The following TMEM135 variants were observed in gnomAD, a reference collection of about 807,000 sequenced individuals.
The protein encoded by TMEM135 is transmembrane protein 135.
Under a neutral mutation model 60.3 loss-of-function variants are expected in TMEM135, and 30 were observed. The ratio of observed to expected loss-of-function variants is 0.50; its 90% confidence interval spans 0.37 to 0.68. The LOEUF is 0.68. TMEM135 is among the 30% of genes least tolerant of loss of function. The pLI, the probability that TMEM135 is intolerant of heterozygous loss-of-function variation, is 0.00. For synonymous variants in TMEM135, 190 were observed against 186.7 expected, an observed-to-expected ratio of 1.02 and a Z score of -0.14; for missense variants, 468 against 548.8, an observed-to-expected ratio of 0.85 and a Z score of 1.47.
chr11:87,219,914 T>A (rs976212340), intron 5 of TMEM135, among the ~76,000 whole-genome samples: 4 of 152,218 alleles, frequency 2.6e-5, no homozygotes, highest in African/African-American at 9.6e-5. Context: ...TCATTCATGC[T>A]GTAGTCACTA....
chr11:87,224,488 CTTAT>C (rs1317270884), intron 5 of TMEM135, among the ~76,000 whole-genome samples: 2 of 152,008 alleles, frequency 1.3e-5, no homozygotes, highest in Non-Finnish European at 2.9e-5. Flanking sequence ...TCTAGAAGCT[CTTAT>C]TTATTTATTT....
At chr11:87,211,596 G>A (rs774725380) in intron 5 of TMEM135, among the ~76,000 whole-genome samples, 6 of 152,090 alleles carry the variant, frequency 3.9e-5, no homozygotes, top group Non-Finnish European at 7.4e-5. Flanking sequence ...TTAGCTGATT[G>A]GGAGGAAGAA....
intron 6 of TMEM135, among the ~76,000 whole-genome samples, chr11:87,278,235 T>C (rs1418669904): frequency 6.6e-6 from 1 of 152,202 alleles, no homozygotes; most frequent in East Asian, 1.9e-4. Flanking sequence ...CCTAAAACCA[T>C]CTTTGATTCT....
chr11:87,064,557 A>G (rs1856609855), intron 1 of TMEM135, among the ~76,000 whole-genome samples: 1 of 152,064 alleles, frequency 6.6e-6, no homozygotes, highest in Admixed American at 6.6e-5. Flanking sequence ...GCAACCACTA[A>G]GTTATTCATT....
At chr11:87,074,503 G>A (rs114219894) in intron 3 of TMEM135, among the ~76,000 whole-genome samples, 2,805 of 152,200 alleles carry the variant, frequency 0.018, 103 homozygotes, top group African/African-American at 0.064. Flanking sequence ...TTAAATCAAG[G>A]TAGCTACTAT....
chr11:87,201,954 T>C (rs1940103927), intron 5 of TMEM135, among the ~76,000 whole-genome samples: 1 of 77,412 alleles, frequency 1.3e-5, no homozygotes, highest in African/African-American at 7.0e-5. Context: ...TTATTTTTTA[T>C]GTTATGTTAT....
At chr11:87,173,147 A>G (rs1256441015) in intron 5 of TMEM135, among the ~76,000 whole-genome samples, 3 of 152,096 alleles carry the variant, frequency 2.0e-5, no homozygotes, top group Non-Finnish European at 4.4e-5. Flanking sequence ...CTTCCCTTCT[A>G]GCACTACCTC....
At chr11:87,208,816 C>A (rs1490375024) in intron 5 of TMEM135, among the ~76,000 whole-genome samples, 1 of 152,158 alleles carries the variant, frequency 6.6e-6, no homozygotes, top group Non-Finnish European at 1.5e-5. Flanking sequence ...CTGCTAGAGA[C>A]AAGGGGCAGG....
chr11:87,211,152 G>C (rs528412058), intron 5 of TMEM135, among the ~76,000 whole-genome samples: 62 of 152,198 alleles, frequency 4.1e-4, no homozygotes, highest in African/African-American at 1.4e-3. Flanking sequence ...TTAAAACTGA[G>C]GCCTCTGAGA....
intron 5 of TMEM135, among the ~76,000 whole-genome samples, chr11:87,218,894 A>T (rs544658487): frequency 6.6e-6 from 1 of 152,272 alleles, no homozygotes; most frequent in East Asian, 1.9e-4. Context: ...CCCAGGAGGC[A>T]GAGGTTGCAG....
chr11:87,087,152 C>G (rs1258913520), intron 3 of TMEM135, among the ~76,000 whole-genome samples: 3 of 152,014 alleles, frequency 2.0e-5, no homozygotes, highest in Non-Finnish European at 4.4e-5. Flanking sequence ...AGACATGCAT[C>G]AAAACAAAAC....
At chr11:87,136,152 A>C (rs567085300) in intron 4 of TMEM135, among the ~76,000 whole-genome samples, 59 of 152,108 alleles carry the variant, frequency 3.9e-4, no homozygotes, top group Admixed American at 2.7e-3. Flanking sequence ...ATATAGATGA[A>C]CATGTCATCT....
In TMEM135 at chr11:87,186,603, A is replaced by G. The variant is rs551554221; in HGVS notation, c.462+29197A>G. Among the ~76,000 whole-genome samples, 7 of 152,270 alleles carry G rather than the reference A, an allele frequency of 4.6e-5. No homozygotes were observed. The East Asian group carries it at 1.2e-3, about 25-fold the overall frequency. The stretch of plus-strand genomic sequence containing the variant: ...ACAATAAAGTTCATCTTTTTTTGTT[A>G]ATAAAGTTTATCTTTAAAGCTGATT... On this transcript the variant is annotated intron_variant, in intron 5 of 14. Coordinates refer to ENST00000305494, the MANE Select transcript of TMEM135 (RefSeq NM_022918.4).
chr11:87,181,780 G>T (rs543626025), intron 5 of TMEM135, among the ~76,000 whole-genome samples: 1 of 152,062 alleles, frequency 6.6e-6, no homozygotes, highest in South Asian at 2.1e-4. Flanking sequence ...AAAAAGTATT[G>T]AGAGCAGTAG....
chr11:87,074,177 G>C (rs1052698224), intron 3 of TMEM135, among the ~76,000 whole-genome samples: 14 of 152,132 alleles, frequency 9.2e-5, no homozygotes, highest in African/African-American at 3.4e-4. Flanking sequence ...TGTTGGCCAG[G>C]CTGGTCTCGA....
intron 5 of TMEM135, among the ~76,000 whole-genome samples, chr11:87,183,955 CAAAAA>C (rs71040297): frequency 2.5e-5 from 2 of 80,142 alleles, no homozygotes; most frequent in African/African-American, 1.1e-4. Flanking sequence ...GACTTCGTCG[CAAAAA>C]AAAAAAAAAA....
At chr11:87,309,355 G>A (rs1028101715) in intron 9 of TMEM135, 150 bp from the exon 10 acceptor site, 3 of 693,830 alleles carry the variant, frequency 4.3e-6, no homozygotes, top group Non-Finnish European at 7.2e-6. Flanking sequence ...TAAAATTATT[G>A]TTTGAGGTTT....
intron 2 of TMEM135, among the ~76,000 whole-genome samples, chr11:87,070,885 A>C (rs1367721479): frequency 6.6e-6 from 1 of 152,250 alleles, no homozygotes; most frequent in East Asian, 1.9e-4. Flanking sequence ...CCATGTGTTG[A>C]AAAAATAGTC....
intron 4 of TMEM135, among the ~76,000 whole-genome samples, chr11:87,112,160 C>G (rs138301524): frequency 6.6e-6 from 1 of 152,122 alleles, no homozygotes; most frequent in Non-Finnish European, 1.5e-5. Context: ...AAATTTAGCA[C>G]TACTATGACA....
Sources: allele counts gnomAD v4.1 joint callset (sites outside exome capture counted in the v4.1 genomes callset), GRCh38; gene constraint gnomAD v4.1.1; transcripts MANE v1.5; gene names NCBI Gene and HGNC (gene_info 2026-07-23, HGNC 2026-07-21).